The following ANKFY1 variants were observed in gnomAD, a reference collection of about 807,000 sequenced individuals.
The protein encoded by ANKFY1 is ankyrin repeat and FYVE domain-containing protein 1.
In ANKFY1, 47 loss-of-function variants were observed where a neutral mutation model predicts 128.3. That is an observed-to-expected ratio of 0.37 (90% CI 0.29 to 0.47). The LOEUF is 0.47. ANKFY1 is among the 20% of genes least tolerant of loss of function. The probability of loss-of-function intolerance (pLI) is 1.00; values close to 1 mark genes in which losing one functional copy is unlikely to be tolerated. For synonymous variants in ANKFY1, 553 were observed against 601.6 expected, an observed-to-expected ratio of 0.92 and a Z score of 1.18; for missense variants, 1,222 against 1,510.6, an observed-to-expected ratio of 0.81 and a Z score of 3.17.
intron 3 of ANKFY1, among the ~76,000 whole-genome samples, chr17:4,234,509 CTTT>C (rs201777022): frequency 7.0e-6 from 1 of 143,222 alleles, no homozygotes; most frequent in Non-Finnish European, 1.5e-5. Context: ...TTAATTTTTT[CTTT>C]TTTTTTTTTT....
chr17:4,185,855 G>A (rs563102966), intron 11 of ANKFY1, among the ~76,000 whole-genome samples: 3 of 152,188 alleles, frequency 2.0e-5, no homozygotes, highest in Admixed American at 6.5e-5. Context: ...GCCCCCGCCC[G>A]GACCTAAGCC....
chr17:4,197,449 T>C lies in ANKFY1; in HGVS notation c.1027A>G (p.Met343Val). ...TCTGCAATCTGCGCCATCTCAGACA[T>C]CACATCTGCTGAGTGTTTCTTTGAA... is the stretch of plus-strand genomic sequence containing the variant. Reference protein sequence around the residue: ...YSSKKHSADVMSEMAQIAEAL... With the variant: ...YSSKKHSADVVSEMAQIAEAL... The change falls in exon 8 of 25, where the codon ATG becomes GTG. Residue 343 changes from methionine (M) to valine (V), a missense_variant. Transcript: ENST00000341657. 6.2e-7 allele frequency: 1 copy of C among 1,614,166 alleles called. No individual in the cohort carries two copies. Among genetic ancestry groups the C allele is most frequent in the Non-Finnish European group, 8.5e-7 (1 of 1,180,034 alleles).
At chr17:4,236,557 T>C (rs1477601169) in intron 2 of ANKFY1, among the ~76,000 whole-genome samples, 1 of 43,268 alleles carries the variant, frequency 2.3e-5, no homozygotes, top group Non-Finnish European at 9.4e-5. Flanking sequence ...GATATTTATG[T>C]TTAACTCTGA....
Position 4,187,055 on chromosome 17 carries a change from G to C in ANKFY1, c.1471-2009C>G, listed in dbSNP as rs983195687. ...GGTACAGGTGGTTTCTGGTTCCACG[G>C]ATAAGTTCTTCGGTGGTGATTTCTT... On this transcript the variant is annotated intron_variant, in intron 11 of 24. Coordinates refer to ENST00000341657, the MANE Select transcript of ANKFY1 (RefSeq NM_001330063.2). 4 of 1,214,650 alleles carry C rather than the reference G, an allele frequency of 3.3e-6. No homozygotes were observed. In the African/African-American group the frequency reaches 6.3e-5, roughly 19 times the overall value. 75.2% of individuals were successfully genotyped at this position (1,214,650 alleles called of 1,614,324 possible).
chr17:4,179,717 A>T lies in ANKFY1; in HGVS notation c.2397+4T>A. The T allele has an allele frequency of 3.7e-6, 6 of 1,613,754 alleles. No individual in the cohort carries two copies. The highest frequency in any genetic ancestry group is 1.3e-5 in the African/African-American group (1 of 75,036). ...TCTCTCCCCGGAAAAGAGAAACGAC[A>T]CACCTGTGCGTTCACGTTGGCACCA... On this transcript the variant is annotated splice_donor_region_variant and intron_variant, in intron 17 of 24. Coordinates refer to ENST00000341657, the MANE Select transcript of ANKFY1 (RefSeq NM_001330063.2).
intron 11 of ANKFY1, chr17:4,187,578 G>C: frequency 3.3e-6 from 1 of 301,604 alleles, no homozygotes; most frequent in Non-Finnish European, 6.1e-6. Flanking sequence ...TTTCTCTACA[G>C]CTTGGGTTTG....
At chr17:4,197,132 C>T (rs969403648) in intron 8 of ANKFY1, among the ~76,000 whole-genome samples, 2 of 152,086 alleles carry the variant, frequency 1.3e-5, no homozygotes, top group African/African-American at 4.8e-5. Context: ...TAAAAACAAA[C>T]AAACAACACA....
intron 4 of ANKFY1, among the ~76,000 whole-genome samples, chr17:4,215,997 C>T (rs2060214973): frequency 6.6e-6 from 1 of 152,202 alleles, no homozygotes; most frequent in African/African-American, 2.4e-5. Context: ...TAGCCTAATG[C>T]TGTATGCACC....
intron 3 of ANKFY1, among the ~76,000 whole-genome samples, chr17:4,218,305 T>G (rs754191622): frequency 1.3e-5 from 2 of 152,124 alleles, no homozygotes; most frequent in Non-Finnish European, 2.9e-5. Context: ...AGAACAAAAA[T>G]CGTAAGAGTC....
At chr17:4,180,988 C>A in intron 16 of ANKFY1, 1 of 411,150 alleles carries the variant, frequency 2.4e-6, no homozygotes, top group Non-Finnish European at 4.5e-6. Context: ...TCTGCCGTGA[C>A]TACAGGAGCT....
At chr17:4,189,772 T>C (rs1008732053) in intron 10 of ANKFY1, among the ~76,000 whole-genome samples, 9 of 151,908 alleles carry the variant, frequency 5.9e-5, no homozygotes, top group Non-Finnish European at 1.0e-4. Context: ...CGCCAGACAG[T>C]AGGTCCACGC....
chr17:4,208,420 T>C (rs554062629), intron 5 of ANKFY1, among the ~76,000 whole-genome samples: 26 of 152,254 alleles, frequency 1.7e-4, no homozygotes, highest in Non-Finnish European at 3.1e-4. Context: ...TGCATACCTC[T>C]AACAGGAATG....
chr17:4,219,706 TA>T (rs2060277388), intron 3 of ANKFY1, among the ~76,000 whole-genome samples: 1 of 150,168 alleles, frequency 6.7e-6, no homozygotes, highest in Non-Finnish European at 1.5e-5. Flanking sequence ...AACCAGATAT[TA>T]AAAGTAAAAA....
At position 4,178,689 on chromosome 17, in the gene ANKFY1, C is replaced by A. The variant is rs746612813; in HGVS notation, c.2598+168G>T. ...ACACACAGGCAGAGGAGCCGGATCT[C>A]ATCCTGCACGGATGGGACATCTCAA... On this transcript the variant is annotated intron_variant, in intron 18 of 24. Coordinates refer to ENST00000341657, the MANE Select transcript of ANKFY1 (RefSeq NM_001330063.2). The surrounding 1 kb of genome is among the most constrained non-coding windows in gnomAD (Gnocchi z 4.1). 14 of 692,896 alleles carry A rather than the reference C, an allele frequency of 2.0e-5. No homozygotes were observed. The highest frequency in any genetic ancestry group is 3.4e-5 in the Non-Finnish European group (14 of 408,132). 42.9% of individuals were successfully genotyped at this position (692,896 alleles called of 1,614,324 possible).
At chr17:4,172,417 G>C in intron 22 of ANKFY1, 139 bp downstream of exon 22, 1 of 1,209,334 alleles carries the variant, frequency 8.3e-7, no homozygotes, top group South Asian at 1.5e-5. Flanking sequence ...ACAGGGCTCT[G>C]TAACTCACAC....
intron 1 of ANKFY1, among the ~76,000 whole-genome samples, chr17:4,252,377 G>A (rs904060329): frequency 2.6e-5 from 4 of 152,076 alleles, no homozygotes; most frequent in Non-Finnish European, 5.9e-5. Flanking sequence ...GAACAGCTGG[G>A]CAACAGAGTG....
intron 3 of ANKFY1, among the ~76,000 whole-genome samples, chr17:4,227,924 T>C (rs549881538): frequency 9.2e-5 from 14 of 152,302 alleles, no homozygotes; most frequent in African/African-American, 3.4e-4. Context: ...CTAATGGGAA[T>C]GTAAAATGGT....
At chr17:4,197,758 A>G (rs934597731) in intron 7 of ANKFY1, among the ~76,000 whole-genome samples, 181 bp from the exon 8 acceptor site, 2 of 152,226 alleles carry the variant, frequency 1.3e-5, no homozygotes, top group Non-Finnish European at 2.9e-5. Flanking sequence ...AGACGAATTC[A>G]AAAGGCTCTG....
At position 4,208,470 on chromosome 17, in the gene ANKFY1, T is replaced by A. The variant is rs773380785; in HGVS notation, c.583-388A>T. 2.0e-5 allele frequency among the ~76,000 whole-genome samples: 3 copies of A among 152,140 alleles called. No homozygotes were observed. In the East Asian group the frequency reaches 5.8e-4, roughly 29 times the overall value. Reference sequence around the variant, plus strand: ...CTCACATGAGAGCAGGGAGTCCTCCTCCCACCCCCTGAAAGATGGCAGTTA... The same window carrying A: ...CTCACATGAGAGCAGGGAGTCCTCCACCCACCCCCTGAAAGATGGCAGTTA... On this transcript the variant is annotated intron_variant, in intron 5 of 24. Transcript: ENST00000341657.
Sources: allele counts gnomAD v4.1 joint callset (sites outside exome capture counted in the v4.1 genomes callset), GRCh38; gene constraint gnomAD v4.1.1; non-coding constraint Gnocchi (gnomAD v3.1); transcripts MANE v1.5; gene names NCBI Gene and HGNC (gene_info 2026-07-23, HGNC 2026-07-21).